Variants in KDM1A observed in about 807,000 individuals in gnomAD.
The protein encoded by KDM1A is lysine demethylase 1A, also known as lysine-specific histone demethylase 1A.
A neutral mutation model predicts 109.4 loss-of-function variants in KDM1A; 49 were observed. The ratio of observed to expected loss-of-function variants is 0.45; its 90% CI spans 0.36 to 0.57. KDM1A has a LOEUF of 0.57. Among genes scored for constraint, KDM1A ranks in the 20% least tolerant of loss-of-function variants. The probability of loss-of-function intolerance (pLI) is 0.00; values close to 1 mark genes in which losing one functional copy is unlikely to be tolerated. For missense variants in KDM1A, 668 were observed against 1,116.6 expected, an observed-to-expected ratio of 0.60 and a Z score of 5.73; for synonymous variants, 380 against 415.4, an observed-to-expected ratio of 0.91 and a Z score of 1.04.
chr1:23,076,914 G>A (rs1021822629), intron 15 of KDM1A, among the ~76,000 whole-genome samples: 4 of 150,034 alleles, frequency 2.7e-5, no homozygotes, highest in South Asian at 2.1e-4. Flanking sequence ...GCAATGAGCC[G>A]AGAGCACGCC....
At position 23,082,879 on chromosome 1, in the gene KDM1A, C is replaced by T. The variant is rs75776066; in HGVS notation, c.2446-300C>T. ...GTGCTTCAGGGTAGCGAGGCTCCCT[C>T]CCAGAAGGTAGTTATACATGAGGGA... On this transcript the variant is annotated intron_variant, in intron 20 of 20. Transcript: ENST00000400181. The T allele has an allele frequency of 2.9e-4, 76 of 258,160 alleles. No homozygotes were observed. The East Asian group carries it at 5.7e-3, about 19-fold the overall frequency. 16.0% of individuals were successfully genotyped at this position (258,160 alleles called of 1,614,324 possible). A position where few individuals can be genotyped will look rare whatever the true frequency, so the allele number is the denominator to read the frequency against.
At chr1:23,059,292 G>A in intron 9 of KDM1A, 125 bp downstream of exon 9, 3 of 763,280 alleles carry the variant, frequency 3.9e-6, no homozygotes, top group South Asian at 2.8e-5. Flanking sequence ...TATAAACTGA[G>A]GGTAGAGATG....
At chr1:23,024,599 G>T (rs1306807508) in intron 1 of KDM1A, among the ~76,000 whole-genome samples, 1 of 152,126 alleles carries the variant, frequency 6.6e-6, no homozygotes, top group Non-Finnish European at 1.5e-5. Context: ...TCACTTTTGG[G>T]CATGTGTATG....
At chr1:23,038,826 A>G (rs1027693566) in intron 2 of KDM1A, among the ~76,000 whole-genome samples, 3 of 152,170 alleles carry the variant, frequency 2.0e-5, no homozygotes, top group Middle Eastern at 3.2e-3. Context: ...AAACCTTAAG[A>G]AGGCTGTTTT....
At position 23,019,894 on chromosome 1, in the gene KDM1A, G is replaced by T; in HGVS notation, c.298G>T (p.Gly100Ter). ...VPGSATPMET[G>*]IAETPEGRRT... is the part of the protein sequence containing the mutation. ...TGGGTCTGCGACCCCCATGGAAACT[G>T]GAATAGCAGAGACTCCGGAGGGGCG... Residue 100 changes from glycine (G) to a stop codon, truncating the protein, a stop_gained, in exon 1 of 21, where the codon GGA (glycine) becomes TGA (stop). Transcript: ENST00000400181. LOFTEE classifies it high-confidence loss of function. 6.4e-7 allele frequency: 1 copy of T among 1,570,854 alleles called. No homozygotes were observed. Among genetic ancestry groups the T allele is most frequent in the Non-Finnish European group, 8.6e-7 (1 of 1,161,212 alleles).
intron 2 of KDM1A, among the ~76,000 whole-genome samples, chr1:23,033,139 C>T (rs1295851738): frequency 2.6e-5 from 4 of 152,198 alleles, no homozygotes; most frequent in African/African-American, 9.6e-5. Context: ...GGATTACAGG[C>T]ATGAGCCACC....
intron 2 of KDM1A, among the ~76,000 whole-genome samples, chr1:23,035,364 A>G (rs1385655048): frequency 2.0e-5 from 3 of 152,028 alleles, no homozygotes; most frequent in Non-Finnish European, 4.4e-5. Flanking sequence ...CACTACTCCT[A>G]GCTAATTTTG....
chr1:23,057,608 A>T, intron 8 of KDM1A, 43 bp downstream of exon 8: 1 of 1,428,580 alleles, frequency 7.0e-7, no homozygotes, highest in Non-Finnish European at 9.8e-7. Flanking sequence ...ATGGTCTAAG[A>T]CTCATAAAAG....
At chr1:23,027,721 C>CA (rs1553125153) in intron 1 of KDM1A, among the ~76,000 whole-genome samples, 2 of 136,532 alleles carry the variant, frequency 1.5e-5, no homozygotes, top group Non-Finnish European at 3.1e-5. Flanking sequence ...CGCTCCCAGC[C>CA]TTTTTTTTTT....
intron 2 of KDM1A, among the ~76,000 whole-genome samples, chr1:23,037,856 T>A (rs1642195096): frequency 6.6e-6 from 1 of 152,240 alleles, no homozygotes; most frequent in African/African-American, 2.4e-5. Flanking sequence ...TTTGTTGTAC[T>A]TTTTATTAAG....
chr1:23,038,307 A>C (rs995832779), intron 2 of KDM1A, among the ~76,000 whole-genome samples: 1 of 151,718 alleles, frequency 6.6e-6, no homozygotes, highest in African/African-American at 2.4e-5. Context: ...TTAAATCTTG[A>C]TAATAATCTT....
At chr1:23,028,672 C>G (rs555745421) in intron 1 of KDM1A, among the ~76,000 whole-genome samples, 3 of 152,230 alleles carry the variant, frequency 2.0e-5, no homozygotes, top group African/African-American at 7.2e-5. Flanking sequence ...AGTTTATGGT[C>G]TATTCTGACT....
intron 7 of KDM1A, among the ~76,000 whole-genome samples, chr1:23,057,258 G>GT (rs1642857832): frequency 1.3e-5 from 2 of 152,170 alleles, no homozygotes; most frequent in Admixed American, 1.3e-4. Context: ...GTGTCGTTTA[G>GT]TTATATGACA....
At chr1:23,032,821 CA>C (rs1487181955) in intron 2 of KDM1A, among the ~76,000 whole-genome samples, 1 of 152,174 alleles carries the variant, frequency 6.6e-6, no homozygotes, top group Non-Finnish European at 1.5e-5. Context: ...TTGTCTTTCA[CA>C]AGAGTTTTTA....
chr1:23,081,263 G>A, intron 18 of KDM1A, 183 bp from the exon 19 acceptor site: 3 of 621,808 alleles, frequency 4.8e-6, no homozygotes, highest in South Asian at 2.5e-5. Flanking sequence ...ACTGGCTGGT[G>A]TCTGGCGACA....
chr1:23,029,390 A>G (rs1435786846), intron 1 of KDM1A, among the ~76,000 whole-genome samples: 1 of 152,162 alleles, frequency 6.6e-6, no homozygotes, highest in Admixed American at 6.5e-5. Flanking sequence ...TTTTATTAGG[A>G]AGTCACAATG....
At chr1:23,067,569 G>A (rs2235548) in intron 10 of KDM1A, among the ~76,000 whole-genome samples, 45,912 of 152,092 alleles carry the variant, frequency 0.3, 7,023 homozygotes, top group Middle Eastern at 0.41. Context: ...TTGCTTCAAT[G>A]TTTTATTTTT....
At chr1:23,077,832 G>A (rs1016031003) in intron 16 of KDM1A, among the ~76,000 whole-genome samples, 3 of 152,092 alleles carry the variant, frequency 2.0e-5, no homozygotes, top group African/African-American at 4.8e-5. Context: ...ATTCATTTTG[G>A]CTTTTTCTAT....
At chr1:23,045,572 C>T (rs1040507248) in intron 3 of KDM1A, among the ~76,000 whole-genome samples, 24 of 152,116 alleles carry the variant, frequency 1.6e-4, no homozygotes, top group African/African-American at 5.8e-4. Flanking sequence ...CATCAAATGA[C>T]GCACAATTAG....
Sources: gnomAD v4.1 joint callset for allele counts (sites outside exome capture counted in the v4.1 genomes callset) on GRCh38, gnomAD v4.1.1 for gene constraint, MANE v1.5 for transcripts, NCBI Gene and HGNC (gene_info 2026-07-23, HGNC 2026-07-21) for gene names.